The following CAB39 variants were observed in gnomAD, a reference collection of about 807,000 sequenced individuals.
The protein encoded by CAB39 is calcium binding protein 39, also known as calcium-binding protein 39.
Under a neutral mutation model 40.0 loss-of-function variants are expected in CAB39, and 8 were observed. The observed-to-expected ratio is 0.20, with a 90% CI of 0.12 to 0.36. CAB39 has a LOEUF of 0.36. CAB39 is among the 10% of genes least tolerant of loss of function. CAB39 has a pLI of 1.00. For missense variants in CAB39, 270 were observed against 401.1 expected (o/e 0.67, Z 2.79); for synonymous variants, 156 against 141.6 (o/e 1.10, Z -0.72).
chr2:230,816,826 G>C (rs1696410544), intron 7 of CAB39, among the ~76,000 whole-genome samples: 1 of 152,140 alleles, frequency 6.6e-6, no homozygotes, highest in African/African-American at 2.4e-5. Flanking sequence ...TCAGTAACGT[G>C]CTCAAGATTA....
At chr2:230,796,591 C>G (rs1466158291) in intron 4 of CAB39, among the ~76,000 whole-genome samples, 2 of 152,028 alleles carry the variant, frequency 1.3e-5, no homozygotes, top group African/African-American at 4.8e-5. Flanking sequence ...ATATTTCCAT[C>G]AAGTAAGAGC....
At chr2:230,781,837 C>G (rs1695691758) in intron 2 of CAB39, among the ~76,000 whole-genome samples, 1 of 152,204 alleles carries the variant, frequency 6.6e-6, no homozygotes, top group Admixed American at 6.5e-5. Context: ...CAAAACTAAA[C>G]AAGAACAACC....
At chr2:230,764,470 T>G (rs1425876177) in intron 2 of CAB39, among the ~76,000 whole-genome samples, 1 of 152,218 alleles carries the variant, frequency 6.6e-6, no homozygotes, top group African/African-American at 2.4e-5. Flanking sequence ...TATATCTGCA[T>G]GTAGCTCCAT....
At chr2:230,778,327 C>G (rs1050770753) in intron 2 of CAB39, among the ~76,000 whole-genome samples, 3 of 152,118 alleles carry the variant, frequency 2.0e-5, no homozygotes, top group African/African-American at 7.2e-5. Flanking sequence ...TGCTTGAGTC[C>G]AGAGGAGGAG....
intron 2 of CAB39, among the ~76,000 whole-genome samples, chr2:230,768,628 G>T (rs1469502243): frequency 6.6e-6 from 1 of 152,170 alleles, no homozygotes; most frequent in East Asian, 1.9e-4. Context: ...GAGGAGAATA[G>T]CACATTCTAT....
At chr2:230,719,966 C>T (rs1234552570) in intron 1 of CAB39, among the ~76,000 whole-genome samples, 1 of 152,140 alleles carries the variant, frequency 6.6e-6, no homozygotes, top group African/African-American at 2.4e-5. Flanking sequence ...CTGAAGTTCT[C>T]TGCTTAGGGT....
At chr2:230,784,052 C>T (rs537633668) in intron 2 of CAB39, among the ~76,000 whole-genome samples, 1 of 152,282 alleles carries the variant, frequency 6.6e-6, no homozygotes, top group Admixed American at 6.5e-5. Flanking sequence ...AGAAACCAGT[C>T]AGTACACGAT....
chr2:230,765,394 A>C (rs933614210), intron 2 of CAB39, among the ~76,000 whole-genome samples: 1 of 152,168 alleles, frequency 6.6e-6, no homozygotes, highest in Non-Finnish European at 1.5e-5. Context: ...GGGAGGAAGC[A>C]CATGTCTTAT....
chr2:230,743,027 TGTGGTCTCTTTGTGGCCGGGTCA>T (rs1694910813), intron 1 of CAB39, among the ~76,000 whole-genome samples: 2 of 152,234 alleles, frequency 1.3e-5, no homozygotes, highest in African/African-American at 4.8e-5. Context: ...CAGAACATCG[TGTGGTCTCTTTGTGGCCGGGTCA>T]GCCATTTGTT....
At chr2:230,769,164 G>A (rs1246746069) in intron 2 of CAB39, among the ~76,000 whole-genome samples, 1 of 152,156 alleles carries the variant, frequency 6.6e-6, no homozygotes, top group East Asian at 1.9e-4. Context: ...GGTAAAGAAA[G>A]TCATTTTATG....
intron 1 of CAB39, among the ~76,000 whole-genome samples, chr2:230,758,226 C>G (rs780827350): frequency 1.2e-4 from 18 of 149,182 alleles, no homozygotes; most frequent in African/African-American, 4.0e-4. Context: ...TCACTTGAAC[C>G]TGGGAGGTGG....
At chr2:230,795,682 G>T (rs1451695160) in intron 4 of CAB39, among the ~76,000 whole-genome samples, 1 of 152,094 alleles carries the variant, frequency 6.6e-6, no homozygotes, top group Non-Finnish European at 1.5e-5. Flanking sequence ...TCACCTCCTG[G>T]TTTTAGTTTC....
Position 230,793,260 on chromosome 2 carries a change from A to G in CAB39, c.327A>G (p.Gln109=). 2 of 1,612,918 alleles carry G rather than the reference A, an allele frequency of 1.2e-6. No homozygotes were observed. The highest frequency in any genetic ancestry group is 1.7e-6 in the Non-Finnish European group (2 of 1,179,314). The part of the protein sequence containing the change: ...AQIFNNILRR[Q]IGTRTPTVEY... Reference sequence around the variant, plus strand: ...TTTTCAACAATATTCTCAGAAGACAAATTGGTACGAGAACTCCTACTGTTG... The same window carrying G: ...TTTTCAACAATATTCTCAGAAGACAGATTGGTACGAGAACTCCTACTGTTG... Residue 109 remains glutamine, a synonymous_variant, in exon 4 of 9, where the codon CAA becomes CAG. Coordinates refer to ENST00000258418, the MANE Select transcript of CAB39 (RefSeq NM_016289.4).
At chr2:230,730,930 T>C (rs1337987615) in intron 1 of CAB39, among the ~76,000 whole-genome samples, 1 of 152,220 alleles carries the variant, frequency 6.6e-6, no homozygotes, top group Non-Finnish European at 1.5e-5. Context: ...ATTAGTAAGC[T>C]CCTTTTATGT....
At chr2:230,772,929 C>T (rs903756428) in intron 2 of CAB39, among the ~76,000 whole-genome samples, 1 of 143,916 alleles carries the variant, frequency 6.9e-6, no homozygotes. Context: ...ATGGCCCAGA[C>T]GTGTGGATAA....
intron 1 of CAB39, among the ~76,000 whole-genome samples, chr2:230,748,831 A>AAAAAAAAAAAAAAAAAAAT (rs1386799920): frequency 3.5e-5 from 1 of 28,512 alleles, no homozygotes; most frequent in African/African-American, 1.3e-4. Flanking sequence ...AAAAAAAAAA[A>AAAAAAAAAAAAAAAAAAAT]ATATATATAT....
At chr2:230,743,352 T>C (rs1043232778) in intron 1 of CAB39, among the ~76,000 whole-genome samples, 1 of 152,182 alleles carries the variant, frequency 6.6e-6, no homozygotes, top group Non-Finnish European at 1.5e-5. Context: ...GTCTTTTTGC[T>C]GAAATAGTTA....
In CAB39 at chr2:230,790,858, C is replaced by G; in HGVS notation, c.115-14C>G. The G allele has an allele frequency of 6.3e-7, 1 of 1,587,660 alleles. No individual in the cohort carries two copies. Among genetic ancestry groups the G allele is most frequent in the South Asian group, 1.2e-5 (1 of 86,382 alleles). On this transcript the variant is annotated splice_polypyrimidine_tract_variant and intron_variant, in intron 2 of 8. Transcript: ENST00000258418. ...GTTTTTTCTCCTCTTCCCAACTCCT[C>G]TCTCTAAAATTAGGCTACAGAAGAA... is the stretch of plus-strand genomic sequence containing the variant.
intron 2 of CAB39, among the ~76,000 whole-genome samples, chr2:230,768,550 A>G (rs1473618549): frequency 6.6e-6 from 1 of 152,188 alleles, no homozygotes; most frequent in Non-Finnish European, 1.5e-5. Flanking sequence ...GCTGACATTC[A>G]TTGTGATTAA....
Sources: allele counts gnomAD v4.1 joint callset (sites outside exome capture counted in the v4.1 genomes callset), GRCh38; gene constraint gnomAD v4.1.1; transcripts MANE v1.5; gene names NCBI Gene and HGNC (gene_info 2026-07-23, HGNC 2026-07-21).